The following LIAT1 variants were observed in gnomAD, a reference collection of about 807,000 sequenced individuals.
LIAT1 encodes protein LIAT1.
At chr17:412,424 C>T in the LIAT1 span, among the ~76,000 whole-genome samples, 5 of 152,142 alleles carry the variant, frequency 3.3e-5, no homozygotes, top group African/African-American at 1.2e-4. Context: ...GCAGGGGGCA[C>T]CAGATAGTTT....
chr17:410,687 C>A, the LIAT1 span: 1 of 1,520,196 alleles, frequency 6.6e-7, no homozygotes, highest in Non-Finnish European at 8.8e-7. Context: ...GCTCCGGTTC[C>A]CTGGAGACTC....
At chr17:414,027 C>G in the LIAT1 span, 8 of 1,614,244 alleles carry the variant, frequency 5.0e-6, no homozygotes, top group South Asian at 1.1e-5. The surrounding 1 kb of genome is among the most constrained non-coding windows in gnomAD (Gnocchi z 4.1). Flanking sequence ...CAGCCCACGT[C>G]GAAAGCCGAG....
the LIAT1 span, chr17:410,704 G>A: frequency 1.4e-6 from 2 of 1,470,736 alleles, no homozygotes; most frequent in Non-Finnish European, 9.2e-7. Flanking sequence ...ACTCTTTGGG[G>A]ACCCACCCCC....
chr17:413,104 G>T, the LIAT1 span: 1 of 1,596,848 alleles, frequency 6.3e-7, no homozygotes, highest in Non-Finnish European at 8.5e-7. Context: ...GCAGGCCAAG[G>T]TCAGACATTG....
At chr17:413,028 G>A in the LIAT1 span, 1 of 1,171,406 alleles carries the variant, frequency 8.5e-7, no homozygotes, top group Non-Finnish European at 1.2e-6. Context: ...TTGGCAGCCT[G>A]AGCCCTGGGT....
At chr17:410,541 G>A in the LIAT1 span, 2 of 1,546,388 alleles carry the variant, frequency 1.3e-6, no homozygotes, top group African/African-American at 1.4e-5. Flanking sequence ...GGGCCCGCGG[G>A]GGTCTAGACT....
At chr17:410,421 G>T in the LIAT1 span, 1 of 1,534,536 alleles carries the variant, frequency 6.5e-7, no homozygotes, top group Non-Finnish European at 8.7e-7. Context: ...GGCGCCCCCG[G>T]GGCGGGTTGG....
At chr17:412,241 G>T in the LIAT1 span, among the ~76,000 whole-genome samples, 6 of 151,896 alleles carry the variant, frequency 4.0e-5, no homozygotes, top group South Asian at 1.0e-3. Flanking sequence ...GGCGGAGGTT[G>T]CAGTGAGCCA....
At chr17:410,737 CAG>C in the LIAT1 span, 14 of 1,256,302 alleles carry the variant, frequency 1.1e-5, no homozygotes, top group Admixed American at 6.9e-5. Flanking sequence ...AGACCGGAAA[CAG>C]AAGCTCAGTG....
the LIAT1 span, chr17:414,364 C>A: frequency 4.0e-6 from 2 of 501,370 alleles, no homozygotes. The surrounding 1 kb of genome is among the most constrained non-coding windows in gnomAD (Gnocchi z 4.1). Flanking sequence ...GTAAGCATCT[C>A]TGTTACTTAA....
the LIAT1 span, among the ~76,000 whole-genome samples, chr17:411,561 A>C: frequency 1.3e-5 from 2 of 152,102 alleles, no homozygotes; most frequent in Non-Finnish European, 2.9e-5. Flanking sequence ...AAACTAAAGC[A>C]CAGATCCCCC....
the LIAT1 span, chr17:414,204 C>A: frequency 1.4e-6 from 2 of 1,449,500 alleles, no homozygotes; most frequent in African/African-American, 1.4e-5. The surrounding 1 kb of genome is among the most constrained non-coding windows in gnomAD (Gnocchi z 4.1). Context: ...GAAATGAGAC[C>A]CGTATCTGAA....
At chr17:412,064 T>C in the LIAT1 span, among the ~76,000 whole-genome samples, 1 of 152,232 alleles carries the variant, frequency 6.6e-6, no homozygotes, top group African/African-American at 2.4e-5. Flanking sequence ...ATTCTGCAGT[T>C]CAGGTCAAGA....
the LIAT1 span, chr17:413,167 C>T: frequency 6.2e-7 from 1 of 1,614,106 alleles, no homozygotes. Context: ...AGAGTCAGAG[C>T]CTGAAGAGCC....
At chr17:410,749 G>C in the LIAT1 span, 13 of 1,127,926 alleles carry the variant, frequency 1.2e-5, no homozygotes, top group African/African-American at 1.7e-4. Context: ...GAAGCTCAGT[G>C]GTCCCGGACC....
At chr17:412,155 G>A in the LIAT1 span, among the ~76,000 whole-genome samples, 2 of 152,214 alleles carry the variant, frequency 1.3e-5, no homozygotes, top group Non-Finnish European at 2.9e-5. Flanking sequence ...CCAACATGGT[G>A]AAACCCCGTC....
the LIAT1 span, chr17:413,323 GA>G: frequency 6.2e-7 from 1 of 1,614,220 alleles, no homozygotes. Context: ...CCGAAATAGA[GA>G]ACCTTGCGAA....
At chr17:410,715 C>A in the LIAT1 span, 21 of 1,422,368 alleles carry the variant, frequency 1.5e-5, no homozygotes, top group Non-Finnish European at 1.7e-5. Flanking sequence ...ACCCACCCCC[C>A]ATTTACCCTT....
At chr17:410,542 G>A in the LIAT1 span, 1 of 1,546,482 alleles carries the variant, frequency 6.5e-7, no homozygotes. Context: ...GGCCCGCGGG[G>A]GTCTAGACTG....
Sources: allele counts gnomAD v4.1 joint callset (sites outside exome capture counted in the v4.1 genomes callset), GRCh38; gene constraint gnomAD v4.1.1; non-coding constraint Gnocchi (gnomAD v3.1); transcripts MANE v1.5; gene names NCBI Gene and HGNC (gene_info 2026-07-23, HGNC 2026-07-21).